The following CCDC33 variants were observed in gnomAD, a reference collection of about 807,000 sequenced individuals.
CCDC33 encodes coiled-coil domain-containing protein 33.
CCDC33 carries 94 observed loss-of-function variants against 91.9 expected under a neutral mutation model. The ratio of observed to expected loss-of-function variants is 1.02; its 90% CI spans 0.87 to 1.21. CCDC33 has a LOEUF of 1.21. CCDC33 is among the 50% of genes most tolerant of loss of function. The pLI, the probability that CCDC33 is intolerant of heterozygous loss-of-function variation, is 0.00. For synonymous variants in CCDC33, 396 were observed against 374.5 expected (o/e 1.06, Z -0.66); for missense variants, 940 against 935.5 (o/e 1.00, Z -0.06).
At chr15:74,216,274 A>G (rs377412796), upstream of CCDC33, among the ~76,000 whole-genome samples, 2 of 151,966 alleles carry the variant, frequency 1.3e-5, no homozygotes, top group African/African-American at 4.8e-5. Flanking sequence ...CAAAATGGCC[A>G]TACTGTGGTC....
chr15:74,214,435 T>C (rs2074395056), upstream of CCDC33, among the ~76,000 whole-genome samples: 1 of 151,984 alleles, frequency 6.6e-6, no homozygotes, highest in African/African-American at 2.4e-5. Flanking sequence ...CCAGAGACAG[T>C]CTCACCTGGA....
intron 2 of CCDC33, among the ~76,000 whole-genome samples, chr15:74,250,233 C>T (rs940300156): frequency 6.6e-6 from 1 of 152,220 alleles, no homozygotes; most frequent in African/African-American, 2.4e-5. Context: ...CCTTCAAAGG[C>T]AGGTTACCAT....
At chr15:74,289,218 C>A (rs2059538932) in intron 10 of CCDC33, among the ~76,000 whole-genome samples, 1 of 152,202 alleles carries the variant, frequency 6.6e-6, no homozygotes, top group Non-Finnish European at 1.5e-5. Flanking sequence ...GGTCTCGCTG[C>A]AATTTTCTGA....
chr15:74,245,648 G>A (rs2075501719), intron 2 of CCDC33, among the ~76,000 whole-genome samples: 1 of 152,154 alleles, frequency 6.6e-6, no homozygotes, highest in Non-Finnish European at 1.5e-5. Flanking sequence ...CCATGGGAAC[G>A]CGCGGCAGGA....
intron 11 of CCDC33, chr15:74,318,484 C>G: frequency 1.7e-6 from 1 of 583,268 alleles, no homozygotes; most frequent in Non-Finnish European, 3.0e-6. Context: ...GCCCCATGGG[C>G]CTGCCTGCTT....
chr15:74,311,839 T>A (rs1008595386), intron 11 of CCDC33: 3 of 152,198 alleles, frequency 2.0e-5, no homozygotes, highest in Non-Finnish European at 4.4e-5. Context: ...ACAATGACTA[T>A]GTTTTATCTG....
At chr15:74,296,955 G>A (rs1293581584) in intron 11 of CCDC33, among the ~76,000 whole-genome samples, 1 of 152,168 alleles carries the variant, frequency 6.6e-6, no homozygotes, top group African/African-American at 2.4e-5. Flanking sequence ...TTGAGAAAAG[G>A]CCCCAGACAA....
At chr15:74,277,145 C>T (rs2076470493) in intron 7 of CCDC33, among the ~76,000 whole-genome samples, 1 of 152,232 alleles carries the variant, frequency 6.6e-6, no homozygotes, top group African/African-American at 2.4e-5. Flanking sequence ...CTCCTTTAAC[C>T]TTACAACAGG....
intron 16 of CCDC33, chr15:74,333,228 C>G: frequency 6.3e-7 from 1 of 1,592,456 alleles, no homozygotes. Context: ...CAGGTGGACC[C>G]CGGGGAGTTG....
At chr15:74,243,822 G>A (rs2075425036) in intron 1 of CCDC33, 163 bp from the exon 2 acceptor site, 5 of 766,190 alleles carry the variant, frequency 6.5e-6, no homozygotes, top group African/African-American at 5.1e-5. Context: ...GCACATGCCT[G>A]TAATCCCAGC....
intron 7 of CCDC33, among the ~76,000 whole-genome samples, chr15:74,276,588 G>T (rs927789359): frequency 3.3e-5 from 5 of 152,160 alleles, no homozygotes; most frequent in Non-Finnish European, 7.4e-5. Context: ...AGCAGCCAGG[G>T]CATCCCCTGC....
chr15:74,317,435 G>A (rs567817916), intron 11 of CCDC33, among the ~76,000 whole-genome samples: 4 of 152,130 alleles, frequency 2.6e-5, no homozygotes, highest in East Asian at 1.9e-4. Context: ...AAAAGGAAGC[G>A]CCCTCCACAA....
chr15:74,333,316 C>T (rs1179333370), intron 16 of CCDC33: 22 of 1,584,116 alleles, frequency 1.4e-5, no homozygotes, highest in African/African-American at 6.7e-5. Context: ...AGACCCTGCC[C>T]GCACAGGTGG....
chr15:74,248,456 G>A (rs1043426922), intron 2 of CCDC33, among the ~76,000 whole-genome samples: 1 of 152,034 alleles, frequency 6.6e-6, no homozygotes, highest in Non-Finnish European at 1.5e-5. Context: ...CTCACCTGAG[G>A]TTGGGGATGG....
chr15:74,272,002 C>T (rs1242387195), intron 6 of CCDC33, among the ~76,000 whole-genome samples: 2 of 152,204 alleles, frequency 1.3e-5, no homozygotes, highest in East Asian at 3.9e-4. Flanking sequence ...AGAGCCCAGG[C>T]CCCTGGAAAG....
chr15:74,209,373 A>G (rs2074332384), intron 1 of CCDC33: 7 of 1,535,340 alleles, frequency 4.6e-6, no homozygotes, highest in Non-Finnish European at 6.1e-6. Context: ...ATTTGTCCCC[A>G]TCCATCACTC....
chr15:74,251,781 C>A (rs1387889564), intron 2 of CCDC33, among the ~76,000 whole-genome samples: 1 of 152,146 alleles, frequency 6.6e-6, no homozygotes, highest in Non-Finnish European at 1.5e-5. Context: ...CAGACTGAGG[C>A]TGGCCTTGGT....
chr15:74,303,061 C>G (rs1207478259), intron 11 of CCDC33: 1 of 152,282 alleles, frequency 6.6e-6, no homozygotes, highest in African/African-American at 2.4e-5. Context: ...GCAGTCAGAC[C>G]CGGCCTCCAC....
intron 2 of CCDC33, among the ~76,000 whole-genome samples, chr15:74,260,254 G>A (rs888008967): frequency 2.0e-5 from 3 of 152,146 alleles, no homozygotes; most frequent in Non-Finnish European, 2.9e-5. Context: ...CAAGCTGAGC[G>A]CCACGTTCCT....
Sources: allele counts gnomAD v4.1 joint callset (sites outside exome capture counted in the v4.1 genomes callset), GRCh38; gene constraint gnomAD v4.1.1; transcripts MANE v1.5; gene names NCBI Gene and HGNC (gene_info 2026-07-23, HGNC 2026-07-21).